Variants in PDS5A observed in about 807,000 individuals in gnomAD.
PDS5A encodes PDS5 cohesin associated factor A, also known as sister chromatid cohesion protein PDS5 homolog A.
In PDS5A, 42 loss-of-function variants were observed where a neutral mutation model predicts 167.1. The ratio of observed to expected loss-of-function variants is 0.25; its 90% CI spans 0.20 to 0.33. PDS5A has a LOEUF of 0.33. Ranked by LOEUF, PDS5A falls within the 10% of genes least tolerant of loss-of-function variation. The pLI is 1.00. For missense variants in PDS5A, 1,033 were observed against 1,605.9 expected (o/e 0.64, Z 6.10); for synonymous variants, 553 against 554.6 (o/e 1.00, Z 0.04).
intron 26 of PDS5A, among the ~76,000 whole-genome samples, chr4:39,854,820 A>C (rs1295125783): frequency 6.6e-6 from 1 of 152,234 alleles, no homozygotes; most frequent in Non-Finnish European, 1.5e-5. Flanking sequence ...GGAAATATGA[A>C]CATATGAAGA....
At chr4:39,928,429 T>A (rs1332778653) in intron 2 of PDS5A, among the ~76,000 whole-genome samples, 2 of 152,136 alleles carry the variant, frequency 1.3e-5, no homozygotes, top group East Asian at 3.8e-4. Context: ...AACTTAAGCC[T>A]CTTATTATTC....
At chr4:39,879,896 TG>T in intron 17 of PDS5A, 63 bp from the exon 18 acceptor site, 3 of 956,394 alleles carry the variant, frequency 3.1e-6, no homozygotes, top group Non-Finnish European at 5.1e-6. Flanking sequence ...CTAATCACAC[TG>T]TGACAGAACA....
chr4:39,855,521 G>T (rs1718461634), intron 26 of PDS5A, among the ~76,000 whole-genome samples: 1 of 152,162 alleles, frequency 6.6e-6, no homozygotes, highest in Non-Finnish European at 1.5e-5. Flanking sequence ...AGGAGGCCCA[G>T]ATTTTAGAGT....
intron 26 of PDS5A, among the ~76,000 whole-genome samples, chr4:39,850,225 C>G (rs1456029814): frequency 6.7e-6 from 1 of 150,332 alleles, no homozygotes; most frequent in Non-Finnish European, 1.5e-5. Context: ...TGAGCTGAGA[C>G]TGCACCACTG....
At chr4:39,920,903 G>A (rs926872975) in intron 6 of PDS5A, among the ~76,000 whole-genome samples, 2 of 152,130 alleles carry the variant, frequency 1.3e-5, no homozygotes, top group East Asian at 1.9e-4. Context: ...CTATGCTCCC[G>A]TTTCAAGAGT....
Position 39,922,696 on chromosome 4 carries a change from T to C in PDS5A, c.580A>G (p.Ile194Val), listed in dbSNP as rs367619204. The change falls in exon 6 of 33, where the codon ATC (isoleucine) becomes GTC (valine). Residue 194 changes from isoleucine to valine, a missense_variant. Ile to Val is a conservative substitution (Grantham distance 29). Around this residue, in one of 4 missense-constraint regions of PDS5A, gnomAD observed 388 missense variants for 615.1 expected, o/e 0.63. Transcript: ENST00000303538. The part of the protein sequence containing the change: ...QMHMLDLMSS[I>V]IMEGDGVTQE... ...GTAACTCCATCACCTTCCATGATGA[T>C]AGAACTCATCAAATCTAGCATGTGC... 13 of 1,595,440 alleles carry C rather than the reference T, an allele frequency of 8.1e-6. No individual in the cohort carries two copies. Among genetic ancestry groups the C allele is most frequent in the South Asian group, 6.8e-5 (6 of 88,036 alleles).
At chr4:39,923,403 A>G (rs1725178553) in intron 5 of PDS5A, among the ~76,000 whole-genome samples, 1 of 151,896 alleles carries the variant, frequency 6.6e-6, no homozygotes, top group African/African-American at 2.4e-5. Context: ...GTCTTTACAC[A>G]ACTAGGATTC....
chr4:39,954,850 G>A (rs1299308667), intron 2 of PDS5A, among the ~76,000 whole-genome samples: 1 of 151,754 alleles, frequency 6.6e-6, no homozygotes, highest in African/African-American at 2.4e-5. Context: ...TTTGAGACCT[G>A]GGCAACATGA....
At chr4:39,856,175 A>G (rs1233137170) in intron 26 of PDS5A, among the ~76,000 whole-genome samples, 1 of 152,060 alleles carries the variant, frequency 6.6e-6, no homozygotes, top group African/African-American at 2.4e-5. Context: ...GCCAAGAGGC[A>G]GTGGGATGAC....
Position 39,867,765 on chromosome 4 carries a change from CACACA to C in PDS5A, c.2506-773_2506-769del, listed in dbSNP as rs1719657961. Among the ~76,000 whole-genome samples, 4 of 149,838 alleles carry C rather than the reference CACACA, an allele frequency of 2.7e-5. No homozygotes were observed. The East Asian group carries it at 8.0e-4, about 30-fold the overall frequency. ...ACACACACACACACACACACACACACACACACACACCCCACAACTGTACTGATTGT... is the reference window on the plus strand; with the variant it reads ...ACACACACACACACACACACACACACCACACCCCACAACTGTACTGATTGT... On this transcript the variant is annotated intron_variant, in intron 22 of 32. Coordinates refer to ENST00000303538, the MANE Select transcript of PDS5A (RefSeq NM_001100399.2).
chr4:39,928,216 C>A, intron 2 of PDS5A, 52 bp from the exon 3 acceptor site: 1 of 1,226,560 alleles, frequency 8.2e-7, no homozygotes, highest in South Asian at 1.3e-5. Context: ...ATTTAGAAAT[C>A]AGTGGAGGAT....
chr4:39,824,820 T>A lies in PDS5A; in HGVS notation c.*665A>T, dbSNP rs1482705688. 2 of 152,644 alleles carry A rather than the reference T, an allele frequency of 1.3e-5. No individual in the cohort carries two copies. The highest frequency in any genetic ancestry group is 2.9e-5 in the Non-Finnish European group (2 of 68,052). The allele number at this position is 152,644 out of a possible 1,614,324, so 9.5% of individuals were successfully genotyped here. A position where few individuals can be genotyped will look rare whatever the true frequency, so the allele number is the denominator to read the frequency against. ...TGTTTACTACTTGCAAATCAATAAT[T>A]TTAATTTTCTCACTCTGATAAAAAT... is the stretch of plus-strand genomic sequence containing the variant. On this transcript the variant is annotated 3_prime_UTR_variant, in exon 33 of 33. Coordinates refer to ENST00000303538, the MANE Select transcript of PDS5A (RefSeq NM_001100399.2).
At position 39,866,875 on chromosome 4, in the gene PDS5A, C is replaced by T. The variant is rs759106479; in HGVS notation, c.2628G>A (p.Glu876=). Reference sequence around the variant, plus strand: ...AAAAATCTCACCTGATCCTCTTTTGCTCTGTCAGGTCACCCTCACTAACCA... The same window carrying T: ...AAAAATCTCACCTGATCCTCTTTTGTTCTGTCAGGTCACCCTCACTAACCA... ...AMLVSEGDLT[E]QKRISKSDMS... The change falls in exon 23 of 33, where the codon GAG becomes GAA. Residue 876 remains glutamate (E), a synonymous_variant. Coordinates refer to ENST00000303538, the MANE Select transcript of PDS5A (RefSeq NM_001100399.2). 6 of 1,610,830 alleles carry T rather than the reference C, an allele frequency of 3.7e-6. No individual in the cohort carries two copies. Among genetic ancestry groups the T allele is most frequent in the Admixed American group, 3.4e-5 (2 of 59,134 alleles).
At chr4:39,909,345 G>A (rs962425717) in intron 10 of PDS5A, among the ~76,000 whole-genome samples, 1 of 152,024 alleles carries the variant, frequency 6.6e-6, no homozygotes, top group Non-Finnish European at 1.5e-5. Context: ...GGCTAGTCTT[G>A]ACCTCCTGGC....
rs536170798 is a variant in PDS5A at position 39,975,538 on chromosome 4, A to G, written c.138+902T>C. Among the ~76,000 whole-genome samples, 3 of 152,286 alleles carry G rather than the reference A, an allele frequency of 2.0e-5. No homozygotes were observed. The East Asian group carries it at 5.8e-4, about 29-fold the overall frequency. ...CTGAAAAGTTGTTAAATCATTTCCT[A>G]GTCACTATTACCAATGCCATAGCCC... On this transcript the variant is annotated intron_variant, in intron 2 of 32. Coordinates refer to ENST00000303538, the MANE Select transcript of PDS5A (RefSeq NM_001100399.2).
chr4:39,896,233 C>CG (rs956648775), intron 16 of PDS5A, among the ~76,000 whole-genome samples: 2 of 149,792 alleles, frequency 1.3e-5, no homozygotes, highest in Non-Finnish European at 3.0e-5. Flanking sequence ...TTTGTAGAGG[C>CG]GGGGGTTTTG....
In PDS5A at chr4:39,922,622, CT is replaced by C; in HGVS notation, c.653del (p.Lys218ArgfsTer3). On this transcript the variant is annotated frameshift_variant and splice_region_variant, in exon 6 of 33. Transcript: ENST00000303538. LOFTEE classifies it high-confidence loss of function. ...SILINLIPAH[K>X]NLNKQSFDLA... is the part of the protein sequence containing the mutation. ...TTGAATATCTTCATACTTTACAGAC[CT>C]TATGTGCAGGAATGAGGTTAATAAG... 1 of 1,567,354 alleles carries C rather than the reference CT, an allele frequency of 6.4e-7. No individual in the cohort carries two copies. The highest frequency in any genetic ancestry group is 1.2e-5 in the South Asian group (1 of 82,086).
intron 2 of PDS5A, among the ~76,000 whole-genome samples, chr4:39,929,987 G>A (rs1302175609): frequency 3.3e-5 from 5 of 150,374 alleles, no homozygotes; most frequent in South Asian, 2.1e-4. Context: ...AGGCCGAGGC[G>A]GGCAGATCAC....
intron 11 of PDS5A, among the ~76,000 whole-genome samples, chr4:39,906,008 TA>T (rs3070902): frequency 0.67 from 97,856 of 146,370 alleles, 32,403 homozygotes; most frequent in South Asian, 0.75. Flanking sequence ...GGAGATGAAG[TA>T]AAAAAAAAAA....
Sources: allele counts gnomAD v4.1 joint callset (sites outside exome capture counted in the v4.1 genomes callset), GRCh38; gene constraint gnomAD v4.1.1; regional missense constraint gnomAD v4.1.1; transcripts MANE v1.5; gene names NCBI Gene and HGNC (gene_info 2026-07-23, HGNC 2026-07-21).